Variants in COP1 observed in about 807,000 individuals in gnomAD.
The protein encoded by COP1 is COP1 E3 ubiquitin ligase, also known as E3 ubiquitin-protein ligase COP1.
COP1 carries 24 observed loss-of-function variants against 101.3 expected under a neutral mutation model. The observed-to-expected ratio is 0.24, with a 90% CI of 0.17 to 0.33. The LOEUF is 0.33. COP1 is among the 10% of genes least tolerant of loss of function. The probability of loss-of-function intolerance (pLI) is 1.00; values close to 1 mark genes in which losing one functional copy is unlikely to be tolerated. For missense variants in COP1, 663 were observed against 906.2 expected (o/e 0.73, Z 3.45); for synonymous variants, 347 against 341.9 (o/e 1.01, Z -0.17).
intron 18 of COP1, among the ~76,000 whole-genome samples, chr1:175,981,577 A>G (rs1202114647): frequency 6.6e-6 from 1 of 152,202 alleles, no homozygotes; most frequent in Non-Finnish European, 1.5e-5. Flanking sequence ...ACTAGAAAAC[A>G]TAAGGTAAAA....
intron 8 of COP1, among the ~76,000 whole-genome samples, chr1:176,117,113 C>G (rs1047948967): frequency 1.3e-5 from 2 of 152,174 alleles, no homozygotes; most frequent in African/African-American, 2.4e-5. Flanking sequence ...GGACAATTAA[C>G]TTATAATCAA....
At chr1:176,199,088 C>T (rs1018702832) in intron 1 of COP1, among the ~76,000 whole-genome samples, 1 of 152,082 alleles carries the variant, frequency 6.6e-6, no homozygotes, top group African/African-American at 2.4e-5. Flanking sequence ...GAGGCCGAGG[C>T]GTGGGGACCA....
intron 9 of COP1, among the ~76,000 whole-genome samples, chr1:176,094,816 T>C (rs553113945): frequency 2.6e-5 from 4 of 152,176 alleles, no homozygotes; most frequent in African/African-American, 9.7e-5. Context: ...ATATAACTAC[T>C]TTAATTCCCA....
At chr1:176,045,581 GAAA>G (rs533930344) in intron 12 of COP1, among the ~76,000 whole-genome samples, 1 of 101,160 alleles carries the variant, frequency 9.9e-6, no homozygotes, top group African/African-American at 3.4e-5. Context: ...TGTTTAGAAG[GAAA>G]AAAAAAAAAA....
intron 1 of COP1, among the ~76,000 whole-genome samples, chr1:176,202,355 ATTTTTGTAT>A (rs1044623083): frequency 1.3e-5 from 2 of 151,872 alleles, no homozygotes; most frequent in African/African-American, 4.8e-5. Flanking sequence ...ACACAGGCTA[ATTTTTGTAT>A]TTTTTGTAGA....
chr1:176,204,569 T>A (rs1227367932), intron 1 of COP1, among the ~76,000 whole-genome samples: 2 of 152,166 alleles, frequency 1.3e-5, no homozygotes, highest in Admixed American at 1.3e-4. Flanking sequence ...ATTAATTAAT[T>A]CTTCTGAATA....
At chr1:176,006,967 C>T (rs11584315) in intron 15 of COP1, among the ~76,000 whole-genome samples, 20 of 151,730 alleles carry the variant, frequency 1.3e-4, no homozygotes, top group South Asian at 4.2e-4. Context: ...TCCATTCTCC[C>T]CATCACTTTC....
At chr1:176,070,366 A>G (rs79439360) in intron 11 of COP1, among the ~76,000 whole-genome samples, 2 of 146,230 alleles carry the variant, frequency 1.4e-5, no homozygotes, top group Non-Finnish European at 3.0e-5. Flanking sequence ...TTTTTTTTAA[A>G]TTAAAAACTC....
At chr1:176,204,534 G>A (rs1352937666) in intron 1 of COP1, among the ~76,000 whole-genome samples, 2 of 152,074 alleles carry the variant, frequency 1.3e-5, no homozygotes, top group Admixed American at 6.5e-5. Flanking sequence ...AATCAAACCT[G>A]GCTTGAGTTT....
At chr1:176,029,824 A>G (rs528871706) in intron 14 of COP1, among the ~76,000 whole-genome samples, 88 of 152,376 alleles carry the variant, frequency 5.8e-4, no homozygotes, top group Middle Eastern at 6.8e-3. Context: ...TAAGAATTTA[A>G]TATGTGAAAT....
At chr1:175,953,160 T>C (rs1650167880) in intron 18 of COP1, among the ~76,000 whole-genome samples, 1 of 152,084 alleles carries the variant, frequency 6.6e-6, no homozygotes, top group South Asian at 2.1e-4. Context: ...TATAAAGTGG[T>C]ATCATATAAT....
chr1:176,044,946 G>A (rs1486998788), intron 12 of COP1, among the ~76,000 whole-genome samples: 1 of 152,096 alleles, frequency 6.6e-6, no homozygotes, highest in Non-Finnish European at 1.5e-5. Flanking sequence ...GCCAAGTGTT[G>A]TTCTGAGTGC....
intron 18 of COP1, among the ~76,000 whole-genome samples, chr1:175,953,459 C>G (rs910685813): frequency 3.3e-5 from 5 of 151,914 alleles, no homozygotes; most frequent in African/African-American, 4.8e-5. Context: ...TATGCTGTCC[C>G]TAAGAAATAC....
At chr1:176,056,199 G>T (rs1045058415) in intron 11 of COP1, among the ~76,000 whole-genome samples, 6 of 152,018 alleles carry the variant, frequency 3.9e-5, no homozygotes, top group African/African-American at 1.4e-4. Flanking sequence ...TTGAGATTTG[G>T]TATATGATCT....
At chr1:176,031,471 A>T (rs948732129) in intron 14 of COP1, among the ~76,000 whole-genome samples, 2 of 152,186 alleles carry the variant, frequency 1.3e-5, no homozygotes, top group Non-Finnish European at 2.9e-5. Flanking sequence ...TAACTTCCAA[A>T]ATTTAAATTT....
At chr1:175,949,182 A>AAAAAAAAAAAAAAAAAAAAG (rs1649558549) in intron 18 of COP1, among the ~76,000 whole-genome samples, 2 of 148,496 alleles carry the variant, frequency 1.3e-5, no homozygotes, top group Non-Finnish European at 3.0e-5. Flanking sequence ...AAAAAAAAAA[A>AAAAAAAAAAAAAAAAAAAAG]AAAAAAAAAA....
At chr1:175,977,889 T>C (rs1278287871) in intron 18 of COP1, among the ~76,000 whole-genome samples, 1 of 152,110 alleles carries the variant, frequency 6.6e-6, no homozygotes, top group Admixed American at 6.6e-5. Context: ...ATAGTATCCA[T>C]CAAAAGCTTT....
At chr1:176,084,204 G>A (rs1033993958) in intron 10 of COP1, among the ~76,000 whole-genome samples, 2 of 152,060 alleles carry the variant, frequency 1.3e-5, no homozygotes, top group Non-Finnish European at 2.9e-5. Flanking sequence ...GCAGGTATTG[G>A]GCTACTTTCA....
intron 11 of COP1, among the ~76,000 whole-genome samples, chr1:176,049,572 T>TCC (rs910030956): frequency 6.6e-6 from 1 of 150,770 alleles, no homozygotes; most frequent in Non-Finnish European, 1.5e-5. Context: ...GACAAACAGG[T>TCC]CCCCCCCCTC....
Sources: allele counts gnomAD v4.1 joint callset (sites outside exome capture counted in the v4.1 genomes callset), GRCh38; gene constraint gnomAD v4.1.1; transcripts MANE v1.5; gene names NCBI Gene and HGNC (gene_info 2026-07-23, HGNC 2026-07-21).